RASSF3: variants seen among roughly 807,000 people sequenced by gnomAD.
RASSF3 encodes ras association domain-containing protein 3.
Under a neutral mutation model 19.9 loss-of-function variants are expected in RASSF3, and 19 were observed. That is an observed-to-expected ratio of 0.96 (90% CI 0.67 to 1.40). The LOEUF (loss-of-function observed/expected upper bound fraction) is 1.40, where lower values mean the gene tolerates loss of function less well. Ranked by LOEUF, RASSF3 falls within the 40% of genes most tolerant of loss-of-function variation. RASSF3 has a pLI of 0.00. For missense variants in RASSF3, 306 were observed against 289.8 expected (o/e 1.06, Z -0.41); for synonymous variants, 110 against 104.2 (o/e 1.06, Z -0.34).
Position 64,693,749 on chromosome 12 carries a change from G to C in RASSF3, c.568-1014G>C, listed in dbSNP as rs77256032. On this transcript the variant is annotated intron_variant, in intron 4 of 4. Coordinates refer to ENST00000542104, the MANE Select transcript of RASSF3 (RefSeq NM_178169.4). ...TGCCCAGCCTAAAAACTTATTTTGT[G>C]CCTGCTAAATAAGTACTAGGAGCTG... Among the ~76,000 whole-genome samples the C allele has an allele frequency of 6.7e-3, 1,025 of 152,280 alleles. 7 individuals carry two copies. The highest frequency in any genetic ancestry group is 0.024 in the Middle Eastern group (7 of 294).
chr12:64,660,228 A>G (rs1283579816), intron 1 of RASSF3, among the ~76,000 whole-genome samples: 1 of 152,042 alleles, frequency 6.6e-6, no homozygotes, highest in Non-Finnish European at 1.5e-5. Context: ...TGAAATGCTA[A>G]TAATTATTAA....
intron 1 of RASSF3, among the ~76,000 whole-genome samples, chr12:64,658,681 G>T (rs2136196284): frequency 6.6e-6 from 1 of 152,206 alleles, no homozygotes; most frequent in East Asian, 1.9e-4. Flanking sequence ...TACACCTGTA[G>T]CCCTAGCCAC....
chr12:64,694,764 G>T lies in RASSF3; in HGVS notation c.569G>T (p.Trp190Leu). The change falls in exon 5 of 5, where the codon TGG (tryptophan) becomes TTG (leucine). Residue 190 changes from tryptophan to leucine, a missense_variant and splice_region_variant. By Grantham distance (61) the Trp-to-Leu change is moderately conservative. Coordinates refer to ENST00000542104, the MANE Select transcript of RASSF3 (RefSeq NM_178169.4). ...FVLREHEIGEWEAFSLPELQN... is the reference protein window; with the variant it reads ...FVLREHEIGELEAFSLPELQN... ...TTTTCTTTCTGTGTTTCCTGACAGT[G>T]GGAAGCCTTCAGCCTTCCAGAACTA... 6.2e-7 allele frequency: 1 copy of T among 1,614,052 alleles called. No homozygotes were observed.
intron 1 of RASSF3, among the ~76,000 whole-genome samples, chr12:64,651,022 C>T (rs1871933964): frequency 6.6e-6 from 1 of 152,068 alleles, no homozygotes; most frequent in Non-Finnish European, 1.5e-5. Flanking sequence ...GATCTGTTTG[C>T]TGTGTGTGCT....
chr12:64,657,560 CT>C (rs907848255), intron 1 of RASSF3, among the ~76,000 whole-genome samples: 1 of 152,192 alleles, frequency 6.6e-6, no homozygotes, highest in Non-Finnish European at 1.5e-5. Flanking sequence ...TTTCAGTGGT[CT>C]TGCCTCTGTG....
chr12:64,530,616 G>A (rs1458129683), upstream of RASSF3, among the ~76,000 whole-genome samples: 1 of 152,176 alleles, frequency 6.6e-6, no homozygotes. Flanking sequence ...TCATATGGTA[G>A]ATGTATATTT....
intron 1 of RASSF3, among the ~76,000 whole-genome samples, chr12:64,520,375 C>A (rs958597262): frequency 6.6e-6 from 1 of 151,596 alleles, no homozygotes; most frequent in African/African-American, 2.4e-5. Context: ...GTTGGCCAGG[C>A]TGGTCTCAAA....
intron 2 of RASSF3, among the ~76,000 whole-genome samples, chr12:64,547,265 T>G (rs1869079817): frequency 8.0e-6 from 1 of 124,390 alleles, no homozygotes; most frequent in South Asian, 2.7e-4. Flanking sequence ...GAGAGAGACT[T>G]GATCTAAAAA....
At chr12:64,576,304 A>G (rs1265208101) in intron 2 of RASSF3, among the ~76,000 whole-genome samples, 1 of 152,160 alleles carries the variant, frequency 6.6e-6, no homozygotes, top group Non-Finnish European at 1.5e-5. Context: ...TTTTTAATAA[A>G]TCCTTCTGGA....
upstream of RASSF3, among the ~76,000 whole-genome samples, chr12:64,530,113 C>T (rs1868675341): frequency 6.6e-6 from 1 of 152,146 alleles, no homozygotes; most frequent in Non-Finnish European, 1.5e-5. Context: ...TCCTCCATCC[C>T]TCTCACCTCT....
intron 2 of RASSF3, among the ~76,000 whole-genome samples, chr12:64,600,022 A>G (rs1025293742): frequency 5.4e-5 from 7 of 129,448 alleles, no homozygotes; most frequent in African/African-American, 2.2e-4. Flanking sequence ...AGAGAGAGAG[A>G]GACTCCATCT....
At position 64,691,503 on chromosome 12, in the gene RASSF3, C is replaced by T. The variant is rs1868279678; in HGVS notation, c.491C>T (p.Pro164Leu). Residue 164 changes from proline to leucine, a missense_variant, in exon 4 of 5, where the codon CCA becomes CTA. By Grantham distance (98) the Pro-to-Leu change is moderately conservative (BLOSUM62 -3). Coordinates refer to ENST00000542104, the MANE Select transcript of RASSF3 (RefSeq NM_178169.4). ...TGCAAGCTCTCAGACCGGGAACATC[C>T]ACTCTACCTGCGTTTGGTAGCAGGG... ...YACKLSDREH[P>L]LYLRLVAGPR... 6.2e-7 allele frequency: 1 copy of T among 1,614,072 alleles called. No individual in the cohort carries two copies. The highest frequency in any genetic ancestry group is 8.5e-7 in the Non-Finnish European group (1 of 1,179,914).
chr12:64,524,965 C>T (rs1868554593), intron 1 of RASSF3, among the ~76,000 whole-genome samples: 1 of 152,048 alleles, frequency 6.6e-6, no homozygotes. Flanking sequence ...ATCAAACTTG[C>T]TCTACAGCTC....
chr12:64,641,635 C>CTTT (rs1439745358), intron 1 of RASSF3, among the ~76,000 whole-genome samples: 4 of 97,962 alleles, frequency 4.1e-5, no homozygotes, highest in Non-Finnish European at 8.8e-5. Flanking sequence ...ATCTCTCTCT[C>CTTT]TCTTTTTTTT....
At chr12:64,673,318 A>C (rs535412128) in intron 1 of RASSF3, among the ~76,000 whole-genome samples, 5 of 152,288 alleles carry the variant, frequency 3.3e-5, no homozygotes, top group African/African-American at 1.2e-4. Flanking sequence ...TTATGTTGTC[A>C]GTCTCACTTC....
At chr12:64,688,187 C>T in intron 2 of RASSF3, 29 bp from the exon 3 acceptor site, 1 of 1,526,248 alleles carries the variant, frequency 6.6e-7, no homozygotes, top group Non-Finnish European at 9.1e-7. Context: ...ATCCACCCAG[C>T]TAAGTGTGTG....
intron 2 of RASSF3, among the ~76,000 whole-genome samples, chr12:64,602,579 CA>C (rs1287291683): frequency 1.4e-4 from 17 of 121,764 alleles, no homozygotes; most frequent in Admixed American, 1.8e-4. Context: ...GACTCCATCT[CA>C]AAAAAAAAAG....
chr12:64,645,095 C>G (rs1048969968), intron 1 of RASSF3, among the ~76,000 whole-genome samples: 1 of 152,044 alleles, frequency 6.6e-6, no homozygotes, highest in Non-Finnish European at 1.5e-5. Flanking sequence ...GGTTTGCATG[C>G]TGAGAGAGAT....
intron 2 of RASSF3, among the ~76,000 whole-genome samples, chr12:64,563,429 C>T (rs1488478325): frequency 6.6e-6 from 1 of 152,182 alleles, no homozygotes; most frequent in East Asian, 1.9e-4. Flanking sequence ...CTCAGCTTCC[C>T]AAAGTGCTGG....
Sources: allele counts gnomAD v4.1 joint callset (sites outside exome capture counted in the v4.1 genomes callset), GRCh38; gene constraint gnomAD v4.1.1; transcripts MANE v1.5; gene names NCBI Gene and HGNC (gene_info 2026-07-23, HGNC 2026-07-21).